EVX2: variants seen among roughly 807,000 people sequenced by gnomAD.
The protein encoded by EVX2 is homeobox even-skipped homolog protein 2.
A neutral mutation model predicts 19.2 loss-of-function variants in EVX2; 10 were observed. That is an observed-to-expected ratio of 0.52 (90% CI 0.32 to 0.89). EVX2 has a LOEUF of 0.89. Ranked by LOEUF, EVX2 falls within the 40% of genes least tolerant of loss-of-function variation. The pLI is 0.03. For missense variants in EVX2, 710 were observed against 694.9 expected, an observed-to-expected ratio of 1.02 and a Z score of -0.24; for synonymous variants, 354 against 328.4, an observed-to-expected ratio of 1.08 and a Z score of -0.84.
At position 176,082,406 on chromosome 2, in the gene EVX2, C is replaced by A. The variant is rs1468933373; in HGVS notation, c.471G>T (p.Ala157=). ...SGSAAGTTTS[A]SGSGLGSLHG... ...GCAGGCTTCCGAGGCCTGAGCCCGACGCCGACGTCGTGGTGCCGGCAGCCG... is the reference window on the plus strand; with the variant it reads ...GCAGGCTTCCGAGGCCTGAGCCCGAAGCCGACGTCGTGGTGCCGGCAGCCG... The change falls in exon 2 of 3, where the codon GCG becomes GCT. Residue 157 remains alanine (A), a synonymous_variant. Coordinates refer to ENST00000308618, the MANE Select transcript of EVX2 (RefSeq NM_001080458.2). The surrounding 1 kb of genome is among the most constrained non-coding windows in gnomAD (Gnocchi z 5.2). The A allele has an allele frequency of 1.3e-6, 2 of 1,581,008 alleles. No homozygotes were observed. The highest frequency in any genetic ancestry group is 1.7e-6 in the Non-Finnish European group (2 of 1,167,592).
rs939182040 is a variant in EVX2, at chr2:176,083,668, G to C, written c.109C>G (p.Leu37Val). 2.5e-6 allele frequency: 4 copies of C among 1,614,040 alleles called. No homozygotes were observed. The highest frequency in any genetic ancestry group is 3.4e-6 in the Non-Finnish European group (4 of 1,180,046). The change falls in exon 1 of 3, where the codon CTC becomes GTC. Residue 37 changes from leucine (L) to valine (V), a missense_variant. Leu to Val is a conservative substitution (Grantham distance 32). Coordinates refer to ENST00000308618, the MANE Select transcript of EVX2 (RefSeq NM_001080458.2). This position sits in a 1 kb window ranked among gnomAD's most constrained non-coding sequence, Gnocchi z 4.4. ...TGCTGCGAATTTTCCAGGGCCTCGA[G>C]CACAGCATTGCCAGCCGAGTTGGAC... ...NLSNSAGNAV[L>V]EALENSQHPA... is the part of the protein sequence containing the mutation.
rs1372567149 is a variant in EVX2 at position 176,080,676 on chromosome 2, GGTA to G, written c.859_861del (p.Tyr287del). ...GCCGCCGCCGTGACGCCCACGTGCG[GGTA>G]GTAGTGCAGCGGCACGTGCGAGTGG... On this transcript the variant is annotated inframe_deletion, in exon 3 of 3. Coordinates refer to ENST00000308618, the MANE Select transcript of EVX2 (RefSeq NM_001080458.2). The surrounding 1 kb of genome is among the most constrained non-coding windows in gnomAD (Gnocchi z 7.0). 6.3e-7 allele frequency: 1 copy of G among 1,596,454 alleles called. No individual in the cohort carries two copies. Among genetic ancestry groups the G allele is most frequent in the African/African-American group, 1.3e-5 (1 of 74,792 alleles).
At position 176,080,401 on chromosome 2, in the gene EVX2, G is replaced by A. The variant is rs1574937385; in HGVS notation, c.1137C>T (p.Pro379=). 4 of 1,080,988 alleles carry A rather than the reference G, an allele frequency of 3.7e-6. No individual in the cohort carries two copies. The highest frequency in any genetic ancestry group is 4.5e-6 in the Non-Finnish European group (4 of 891,374). 67.0% of individuals were successfully genotyped at this position (1,080,988 alleles called of 1,614,324 possible). A position where few individuals can be genotyped will look rare whatever the true frequency, so the allele number is the denominator to read the frequency against. The stretch of plus-strand genomic sequence containing the variant: ...AGCAGGGTGCAGAGCCGCCGCTGGG[G>A]GGCGCGCCGGCCGCCGCCGCCGAGG... ...AASSAAAAGA[P]PSGGSAPCSC... The change falls in exon 3 of 3, where the codon CCC becomes CCT. Residue 379 remains proline, a synonymous_variant. Coordinates refer to ENST00000308618, the MANE Select transcript of EVX2 (RefSeq NM_001080458.2). The surrounding 1 kb of genome is among the most constrained non-coding windows in gnomAD (Gnocchi z 7.0).
In EVX2 at chr2:176,080,958, G is replaced by T; in HGVS notation, c.700-120C>A. The stretch of plus-strand genomic sequence containing the variant: ...GCTTGGTCTACTTCTCTCCGACCAA[G>T]CCCAACCCCGAGTACCCTGTGGTCT... On this transcript the variant is annotated intron_variant, in intron 2 of 2. Transcript: ENST00000308618. This position sits in a 1 kb window ranked among gnomAD's most constrained non-coding sequence, Gnocchi z 7.0. 1 of 1,294,228 alleles carries T rather than the reference G, an allele frequency of 7.7e-7. No individual in the cohort carries two copies. Among genetic ancestry groups the T allele is most frequent in the Non-Finnish European group, 1.0e-6 (1 of 968,502 alleles). The allele number at this position is 1,294,228 out of a possible 1,614,324, so 80.2% of individuals were successfully genotyped here. A position where few individuals can be genotyped will look rare whatever the true frequency, so the allele number is the denominator to read the frequency against.
Position 176,077,907 on chromosome 2 carries a change from C to A in EVX2, c.*2200G>T. On this transcript the variant is annotated 3_prime_UTR_variant, in exon 3 of 3. Coordinates refer to ENST00000308618, the MANE Select transcript of EVX2 (RefSeq NM_001080458.2). ...CTCAGTGAATAAGAGCTGGTATAATCAATATTTTACATAAGTAGTCTCATG... is the reference window on the plus strand; with the variant it reads ...CTCAGTGAATAAGAGCTGGTATAATAAATATTTTACATAAGTAGTCTCATG... The A allele has an allele frequency of 6.6e-6, 1 of 151,922 alleles. No individual in the cohort carries two copies. Among genetic ancestry groups the A allele is most frequent in the East Asian group, 1.9e-4 (1 of 5,202 alleles). 9.4% of individuals were successfully genotyped at this position (151,922 alleles called of 1,614,324 possible).
rs1194851985 is a variant in EVX2, at chr2:176,080,988, G to T, written c.700-150C>A. On this transcript the variant is annotated intron_variant, in intron 2 of 2. Transcript: ENST00000308618. The surrounding 1 kb of genome is among the most constrained non-coding windows in gnomAD (Gnocchi z 7.0). ...ACCCCGAGTACCCTGTGGTCTCCCA[G>T]CTGGGAAAGTGTGGACGGCAGTGTG... 9.2e-7 allele frequency: 1 copy of T among 1,091,114 alleles called. No homozygotes were observed. Among genetic ancestry groups the T allele is most frequent in the Admixed American group, 2.9e-5 (1 of 33,954 alleles). 67.6% of individuals were successfully genotyped at this position (1,091,114 alleles called of 1,614,324 possible). A position where few individuals can be genotyped will look rare whatever the true frequency, so the allele number is the denominator to read the frequency against.
Position 176,083,014 on chromosome 2 carries a change from G to C in EVX2, c.427+336C>G, listed in dbSNP as rs1004839287. On this transcript the variant is annotated intron_variant, in intron 1 of 2. Transcript: ENST00000308618. This position sits in a 1 kb window ranked among gnomAD's most constrained non-coding sequence, Gnocchi z 4.4. Reference sequence around the variant, plus strand: ...AGGGGAGTTCAGAGTAGTTGCCCAGGGTACCTTTCCCAAAAGCAACTCGGC... The same window carrying C: ...AGGGGAGTTCAGAGTAGTTGCCCAGCGTACCTTTCCCAAAAGCAACTCGGC... Among the ~76,000 whole-genome samples, 1 of 152,206 alleles carries C rather than the reference G, an allele frequency of 6.6e-6. No individual in the cohort carries two copies. Among genetic ancestry groups the C allele is most frequent in the Non-Finnish European group, 1.5e-5 (1 of 68,038 alleles).
In EVX2 at chr2:176,082,359, C is replaced by T; in HGVS notation, c.518G>A (p.Gly173Asp). The change falls in exon 2 of 3, where the codon GGC becomes GAC. Residue 173 changes from glycine to aspartate, a missense_variant. By Grantham distance (94) the Gly-to-Asp change is moderately conservative. Transcript: ENST00000308618. This position sits in a 1 kb window ranked among gnomAD's most constrained non-coding sequence, Gnocchi z 5.2. ...GSLHGGSGGSGGSAALGGSGS... is the reference protein window; with the variant it reads ...GSLHGGSGGSDGSAALGGSGS... ...GGAGCCACCCAGCGCCGCGCTCCCG[C>T]CGCTGCCTCCGCTGCCTCCATGCAG... 1 of 1,602,096 alleles carries T rather than the reference C, an allele frequency of 6.2e-7. No individual in the cohort carries two copies. Among genetic ancestry groups the T allele is most frequent in the Non-Finnish European group, 8.5e-7 (1 of 1,178,014 alleles).
At position 176,083,505 on chromosome 2, in the gene EVX2, T is replaced by G. The variant is rs1689178943; in HGVS notation, c.272A>C (p.Glu91Ala). Residue 91 changes from glutamate (E) to alanine (A), a missense_variant, in exon 1 of 3, where the codon GAA (glutamate) becomes GCA (alanine). Physicochemically the swap from Glu to Ala is moderately radical, Grantham distance 107 (BLOSUM62 -1). Coordinates refer to ENST00000308618, the MANE Select transcript of EVX2 (RefSeq NM_001080458.2). The surrounding 1 kb of genome is among the most constrained non-coding windows in gnomAD (Gnocchi z 4.4). ...GCGGCTCTCGGCGGCGGAGGAGATT[T>G]CGGAGGAGACGGTGCTTTCGCTGCC... is the stretch of plus-strand genomic sequence containing the variant. ...HTGSESTVSS[E>A]ISSAAESRKK... 6.2e-7 allele frequency: 1 copy of G among 1,614,048 alleles called. No individual in the cohort carries two copies. Among genetic ancestry groups the G allele is most frequent in the African/African-American group, 1.3e-5 (1 of 74,938 alleles).
At position 176,078,357 on chromosome 2, in the gene EVX2, C is replaced by T. The variant is rs1689083046; in HGVS notation, c.*1750G>A. On this transcript the variant is annotated 3_prime_UTR_variant, in exon 3 of 3. Coordinates refer to ENST00000308618, the MANE Select transcript of EVX2 (RefSeq NM_001080458.2). ...TAGGTAGCCTACCTACATTTTAATA[C>T]ACGTACACACACATACCCACTTCGC... 6.6e-6 allele frequency: 1 copy of T among 152,260 alleles called. No homozygotes were observed. The highest frequency in any genetic ancestry group is 2.1e-4 in the South Asian group (1 of 4,828). The allele number at this position is 152,260 out of a possible 1,614,324, so 9.4% of individuals were successfully genotyped here.
rs1689158579 is a variant in EVX2 at position 176,082,261 on chromosome 2, CCTT to C, written c.613_615del (p.Lys205del). 1.2e-6 allele frequency: 2 copies of C among 1,603,408 alleles called. No individual in the cohort carries two copies. Among genetic ancestry groups the C allele is most frequent in the African/African-American group, 1.3e-5 (1 of 74,874 alleles). ...GACACATAGTTCTCCCGGTAGAACT[CCTT>C]CTCCAGGCGCGCGATCTGCTCGCGG... On this transcript the variant is annotated inframe_deletion, in exon 2 of 3. Coordinates refer to ENST00000308618, the MANE Select transcript of EVX2 (RefSeq NM_001080458.2). This position sits in a 1 kb window ranked among gnomAD's most constrained non-coding sequence, Gnocchi z 5.2.
rs1447045200 is a variant in EVX2 at position 176,081,086 on chromosome 2, G to A, written c.700-248C>T. Among the ~76,000 whole-genome samples the A allele has an allele frequency of 6.6e-6, 1 of 152,150 alleles. No homozygotes were observed. Among genetic ancestry groups the A allele is most frequent in the African/African-American group, 2.4e-5 (1 of 41,438 alleles). On this transcript the variant is annotated intron_variant, in intron 2 of 2. Transcript: ENST00000308618. This position sits in a 1 kb window ranked among gnomAD's most constrained non-coding sequence, Gnocchi z 5.9. ...CGCGTCCGGCTGCTGCTGCTCCTCA[G>A]GCTTTTATTCCCTTACTTCTTGCTG...
chr2:176,083,738 C>T lies in EVX2; in HGVS notation c.39G>A (p.Glu13=), dbSNP rs767024133. The change falls in exon 1 of 3, where the codon GAG becomes GAA. Residue 13 remains glutamate (E), a synonymous_variant. Coordinates refer to ENST00000308618, the MANE Select transcript of EVX2 (RefSeq NM_001080458.2). This position sits in a 1 kb window ranked among gnomAD's most constrained non-coding sequence, Gnocchi z 4.4. The stretch of plus-strand genomic sequence containing the variant: ...CCGCCGTAGGGCTGTGCAGCCCTCT[C>T]TCCATCAGAATCATCTCTTTTCTTA... The part of the protein sequence containing the change: ...ERIRKEMILM[E]RGLHSPTAGK... 1.9e-6 allele frequency: 3 copies of T among 1,613,386 alleles called. No homozygotes were observed. In the African/African-American group the frequency reaches 4.0e-5, roughly 22 times the overall value.
Position 176,083,296 on chromosome 2 carries a change from G to T in EVX2, c.427+54C>A. The T allele has an allele frequency of 1.3e-6, 2 of 1,508,064 alleles. No individual in the cohort carries two copies. Among genetic ancestry groups the T allele is most frequent in the African/African-American group, 1.4e-5 (1 of 71,912 alleles). The allele number at this position is 1,508,064 out of a possible 1,614,324, so 93.4% of individuals were successfully genotyped here. A position where few individuals can be genotyped will look rare whatever the true frequency, so the allele number is the denominator to read the frequency against. ...GCACCGGGAAAGGCTGGCGGGGGCC[G>T]CGGAGGAGCAAAGAGGATGGGACTG... On this transcript the variant is annotated intron_variant, in intron 1 of 2. Transcript: ENST00000308618. This position sits in a 1 kb window ranked among gnomAD's most constrained non-coding sequence, Gnocchi z 4.4.
Position 176,080,820 on chromosome 2 carries a change from G to A in EVX2, c.718C>T (p.Arg240Cys). ...AGGCGCTGCCGCTTGTCCTTCATGCGCCGGTTCTGGAACCACACCTGCGGG... is the reference window on the plus strand; with the variant it reads ...AGGCGCTGCCGCTTGTCCTTCATGCACCGGTTCTGGAACCACACCTGCGGG... ...TTIKVWFQNR[R>C]MKDKRQRLAM... is the part of the protein sequence containing the mutation. Residue 240 changes from arginine (R) to cysteine (C), a missense_variant, in exon 3 of 3, where the codon CGC becomes TGC. Coordinates refer to ENST00000308618, the MANE Select transcript of EVX2 (RefSeq NM_001080458.2). This position sits in a 1 kb window ranked among gnomAD's most constrained non-coding sequence, Gnocchi z 7.0. 6.2e-7 allele frequency: 1 copy of A among 1,611,644 alleles called. No homozygotes were observed. The highest frequency in any genetic ancestry group is 8.5e-7 in the Non-Finnish European group (1 of 1,179,470).
At position 176,083,700 on chromosome 2, in the gene EVX2, G is replaced by A. The variant is rs748616817; in HGVS notation, c.77C>T (p.Ser26Phe). 5 of 1,613,954 alleles carry A rather than the reference G, an allele frequency of 3.1e-6. No homozygotes were observed. In the African/African-American group the frequency reaches 6.7e-5, roughly 22 times the overall value. The change falls in exon 1 of 3, where the codon TCC (serine) becomes TTC (phenylalanine). Residue 26 changes from serine (S) to phenylalanine (F), a missense_variant. Transcript: ENST00000308618. The surrounding 1 kb of genome is among the most constrained non-coding windows in gnomAD (Gnocchi z 4.4). ...ATTGCCAGCCGAGTTGGACAAATTGGAGAATCTCTTGCCCGCCGTAGGGCT... is the reference window on the plus strand; with the variant it reads ...ATTGCCAGCCGAGTTGGACAAATTGAAGAATCTCTTGCCCGCCGTAGGGCT... ...LHSPTAGKRF[S>F]NLSNSAGNAV...
In EVX2 at chr2:176,083,174, G is replaced by A. The variant is rs1249770346; in HGVS notation, c.427+176C>T. The stretch of plus-strand genomic sequence containing the variant: ...GCCTGAGCCTGGCGGGAAAGCTCAA[G>A]GAGCAGAACTGGAAGGCACGGTCCC... On this transcript the variant is annotated intron_variant, in intron 1 of 2. Transcript: ENST00000308618. The surrounding 1 kb of genome is among the most constrained non-coding windows in gnomAD (Gnocchi z 4.4). Among the ~76,000 whole-genome samples, 1 of 152,238 alleles carries A rather than the reference G, an allele frequency of 6.6e-6. No individual in the cohort carries two copies. Among genetic ancestry groups the A allele is most frequent in the South Asian group, 2.1e-4 (1 of 4,832 alleles).
At position 176,081,887 on chromosome 2, in the gene EVX2, G is replaced by T. The variant is rs1689150448; in HGVS notation, c.699+291C>A. Among the ~76,000 whole-genome samples the T allele has an allele frequency of 6.6e-6, 1 of 152,236 alleles. No individual in the cohort carries two copies. Among genetic ancestry groups the T allele is most frequent in the Non-Finnish European group, 1.5e-5 (1 of 68,040 alleles). On this transcript the variant is annotated intron_variant, in intron 2 of 2. Coordinates refer to ENST00000308618, the MANE Select transcript of EVX2 (RefSeq NM_001080458.2). The surrounding 1 kb of genome is among the most constrained non-coding windows in gnomAD (Gnocchi z 5.9). ...TTGCCGCCTAGGGGAAAGTGGGGCC[G>T]TGGGTATGGGCGAGGGGGCATCTGG...
Position 176,083,368 on chromosome 2 carries a change from T to G in EVX2, c.409A>C (p.Lys137Gln), listed in dbSNP as rs569811881. The G allele has an allele frequency of 6.3e-7, 1 of 1,599,290 alleles. No homozygotes were observed. The highest frequency in any genetic ancestry group is 1.3e-5 in the African/African-American group (1 of 74,644). ...CGGTTACCTTTGCCATTGTTTTCCT[T>G]AAGCTGAGCGGCGCCGAGGCCCCCG... is the stretch of plus-strand genomic sequence containing the variant. Reference protein sequence around the residue: ...SPGGLGAAQLKENNGKGYAES... With the variant: ...SPGGLGAAQLQENNGKGYAES... The change falls in exon 1 of 3, where the codon AAG (lysine) becomes CAG (glutamine). Residue 137 changes from lysine (K) to glutamine (Q), a missense_variant. By Grantham distance (53) the Lys-to-Gln change is moderately conservative (BLOSUM62 1). Transcript: ENST00000308618. The surrounding 1 kb of genome is among the most constrained non-coding windows in gnomAD (Gnocchi z 4.4).
Sources: allele counts gnomAD v4.1 joint callset (sites outside exome capture counted in the v4.1 genomes callset), GRCh38; gene constraint gnomAD v4.1.1; non-coding constraint Gnocchi (gnomAD v3.1); transcripts MANE v1.5; gene names NCBI Gene and HGNC (gene_info 2026-07-23, HGNC 2026-07-21).